The following RCAN1 variants were observed in gnomAD, a reference collection of about 807,000 sequenced individuals.
The protein encoded by RCAN1 is regulator of calcineurin 1.
Under a neutral mutation model 22.9 loss-of-function variants are expected in RCAN1, and 11 were observed. The ratio of observed to expected loss-of-function variants is 0.48; its 90% CI spans 0.30 to 0.79. RCAN1 has a LOEUF of 0.79. Among genes scored for constraint, RCAN1 ranks in the 30% least tolerant of loss-of-function variants. The pLI, the probability that RCAN1 is intolerant of heterozygous loss-of-function variation, is 0.06. For synonymous variants in RCAN1, 136 were observed against 142.3 expected (o/e 0.96, Z 0.32); for missense variants, 291 against 337.8 (o/e 0.86, Z 1.09).
intron 1 of RCAN1, among the ~76,000 whole-genome samples, chr21:34,596,264 C>T (rs896053641): frequency 6.6e-5 from 10 of 152,190 alleles, no homozygotes; most frequent in Non-Finnish European, 8.8e-5. Context: ...CCAGTATAAG[C>T]GGAGGCCTTC....
At chr21:34,548,891 G>C (rs761847047) in intron 1 of RCAN1, among the ~76,000 whole-genome samples, 8 of 152,180 alleles carry the variant, frequency 5.3e-5, no homozygotes, top group Non-Finnish European at 1.2e-4. Flanking sequence ...ATAGCAATTA[G>C]AGAAAAATGC....
intron 1 of RCAN1, among the ~76,000 whole-genome samples, chr21:34,532,881 C>G (rs1457175054): frequency 6.6e-6 from 1 of 152,180 alleles, no homozygotes; most frequent in Non-Finnish European, 1.5e-5. Flanking sequence ...TTCCAACCCC[C>G]CACTGCCCAC....
At chr21:34,557,425 A>G (rs746626795) in intron 1 of RCAN1, among the ~76,000 whole-genome samples, 10 of 152,170 alleles carry the variant, frequency 6.6e-5, no homozygotes, top group Admixed American at 5.2e-4. Context: ...TTTCTGTTCC[A>G]TCTATGGAAG....
chr21:34,521,434 C>G (rs1263918210), intron 3 of RCAN1, 65 bp downstream of exon 3: 5 of 1,610,834 alleles, frequency 3.1e-6, no homozygotes, highest in East Asian at 4.5e-5. Flanking sequence ...GGTGGTACTG[C>G]TCCCTGGTGC....
chr21:34,605,950 C>T (rs1988512861), intron 1 of RCAN1, among the ~76,000 whole-genome samples: 1 of 150,944 alleles, frequency 6.6e-6, no homozygotes, highest in Non-Finnish European at 1.5e-5. Flanking sequence ...AGATGATGAG[C>T]AGCACAGGCT....
chr21:34,545,933 T>C (rs1419165721), intron 1 of RCAN1, among the ~76,000 whole-genome samples: 3 of 152,226 alleles, frequency 2.0e-5, no homozygotes, highest in Non-Finnish European at 2.9e-5. Flanking sequence ...AAGAATGACC[T>C]CTTTTAATAC....
At chr21:34,591,830 ATGTAGGT>A (rs925274096) in intron 1 of RCAN1, among the ~76,000 whole-genome samples, 1 of 152,202 alleles carries the variant, frequency 6.6e-6, no homozygotes, top group Non-Finnish European at 1.5e-5. Context: ...CCAAATTAGA[ATGTAGGT>A]GGTCACATAG....
intron 1 of RCAN1, among the ~76,000 whole-genome samples, chr21:34,524,810 G>A (rs554376442): frequency 1.3e-5 from 2 of 152,240 alleles, no homozygotes; most frequent in East Asian, 3.9e-4. Flanking sequence ...TTGCTCAGGG[G>A]ACAGCCCCCT....
chr21:34,530,616 G>GTTTTTTTTTTT (rs59150851), intron 1 of RCAN1, among the ~76,000 whole-genome samples: 20 of 66,218 alleles, frequency 3.0e-4, no homozygotes, highest in African/African-American at 8.1e-4. Flanking sequence ...TAGTGAAATA[G>GTTTTTTTTTTT]TTTTTTTTTT....
intron 2 of RCAN1, 27 bp from the exon 3 acceptor site, chr21:34,521,685 A>T (rs747351424): frequency 1.3e-6 from 2 of 1,577,728 alleles, no homozygotes; most frequent in Non-Finnish European, 8.6e-7. Flanking sequence ...AGCACAGGTC[A>T]GTTGTTGCCA....
chr21:34,613,697 G>A, intron 1 of RCAN1: 1 of 1,386,948 alleles, frequency 7.2e-7, no homozygotes, highest in Non-Finnish European at 9.5e-7. Context: ...GCTCTAGAAA[G>A]CATGCCTGGA....
chr21:34,524,997 G>A (rs1050402793), intron 1 of RCAN1: 1 of 1,516,600 alleles, frequency 6.6e-7, no homozygotes, highest in Non-Finnish European at 8.9e-7. Context: ...GTTTGTGGGA[G>A]CCCGTGTGAA....
intron 1 of RCAN1, 61 bp from the exon 2 acceptor site, chr21:34,523,771 G>T: frequency 7.4e-7 from 1 of 1,355,776 alleles, no homozygotes; most frequent in Non-Finnish European, 1.0e-6. Flanking sequence ...CCCTTGACTA[G>T]ATGATGTCAT....
At chr21:34,520,979 A>G (rs1984471437) in intron 3 of RCAN1, 2 of 732,052 alleles carry the variant, frequency 2.7e-6, no homozygotes, top group Non-Finnish European at 3.4e-6. Flanking sequence ...ACCAGCCCAC[A>G]GGCCCTGGGG....
At chr21:34,529,346 G>C (rs1985249869) in intron 1 of RCAN1, among the ~76,000 whole-genome samples, 1 of 152,174 alleles carries the variant, frequency 6.6e-6, no homozygotes, top group South Asian at 2.1e-4. Flanking sequence ...TGAGTAGCAG[G>C]AATCCTTAGT....
chr21:34,526,553 A>G, intron 1 of RCAN1: 1 of 1,127,374 alleles, frequency 8.9e-7, no homozygotes, highest in South Asian at 1.8e-5. Context: ...TTTCTTTCAA[A>G]ACCCCCAAAC....
intron 1 of RCAN1, among the ~76,000 whole-genome samples, chr21:34,587,605 A>G (rs1053889542): frequency 6.6e-6 from 1 of 152,198 alleles, no homozygotes. Flanking sequence ...GGAAAAGTGA[A>G]TATATATATG....
chr21:34,594,087 G>C (rs551506210), intron 1 of RCAN1, among the ~76,000 whole-genome samples: 3 of 152,158 alleles, frequency 2.0e-5, no homozygotes, highest in Admixed American at 2.0e-4. Context: ...AGTTCCTGTC[G>C]TGACCCTTGA....
intron 1 of RCAN1, among the ~76,000 whole-genome samples, chr21:34,527,988 G>T (rs1477688763): frequency 6.6e-6 from 1 of 152,166 alleles, no homozygotes; most frequent in Non-Finnish European, 1.5e-5. Flanking sequence ...TCTTTCAAAA[G>T]GTTGCAACTC....
Sources: gnomAD v4.1 joint callset for allele counts (sites outside exome capture counted in the v4.1 genomes callset) on GRCh38, gnomAD v4.1.1 for gene constraint, MANE v1.5 for transcripts, NCBI Gene and HGNC (gene_info 2026-07-23, HGNC 2026-07-21) for gene names.